CIROZ: variants seen among roughly 807,000 people sequenced by gnomAD.
The protein encoded by CIROZ is ciliated left-right organizer protein containing ZP-N domains, also known as ciliated left-right organizer ZP-N domains-containing protein.
chr1:10,954,057 G>A, the CIROZ span: 27 of 1,613,298 alleles, frequency 1.7e-5, no homozygotes, highest in Middle Eastern at 1.6e-4. Flanking sequence ...CCAGAGGACC[G>A]GGGCAGCCAT....
chr1:10,949,562 A>C, the CIROZ span: 1 of 1,545,192 alleles, frequency 6.5e-7, no homozygotes, highest in African/African-American at 1.4e-5. Flanking sequence ...GTCTACCGAT[A>C]CTTCTTGGGG....
the CIROZ span, among the ~76,000 whole-genome samples, chr1:10,952,199 T>A: frequency 1.3e-5 from 2 of 152,014 alleles, no homozygotes; most frequent in Non-Finnish European, 2.9e-5. Flanking sequence ...TAGAAAGACC[T>A]CGAAGCTGCA....
the CIROZ span, chr1:10,949,679 G>A: frequency 1.2e-6 from 2 of 1,606,150 alleles, no homozygotes; most frequent in Non-Finnish European, 1.7e-6. Context: ...CCATTCCTGG[G>A]CAGCTGGTCC....
the CIROZ span, chr1:10,948,934 G>A: frequency 1.5e-6 from 2 of 1,290,868 alleles, no homozygotes; most frequent in African/African-American, 1.5e-5. Flanking sequence ...CCCAAAGATG[G>A]GTTCGAGGGA....
At chr1:10,970,518 A>G in the CIROZ span, among the ~76,000 whole-genome samples, 1,205 of 152,204 alleles carry the variant, frequency 7.9e-3, 15 homozygotes, top group South Asian at 0.035. Flanking sequence ...AATCGCAGCT[A>G]CTCAGGAGGC....
chr1:10,962,813 A>C, the CIROZ span, among the ~76,000 whole-genome samples: 29 of 152,216 alleles, frequency 1.9e-4, no homozygotes, highest in Admixed American at 1.6e-3. Flanking sequence ...CCAGCACAGA[A>C]TGAGCCATAT....
chr1:10,947,859 T>C, the CIROZ span: 1 of 1,608,616 alleles, frequency 6.2e-7, no homozygotes, highest in Non-Finnish European at 8.5e-7. Flanking sequence ...GCTCAGGGTT[T>C]GCGTGGATGG....
the CIROZ span, among the ~76,000 whole-genome samples, chr1:10,979,004 T>C: frequency 2.0e-5 from 3 of 152,086 alleles, no homozygotes; most frequent in African/African-American, 4.8e-5. Flanking sequence ...TTTTTTTCTT[T>C]TTTGAGACTG....
the CIROZ span, among the ~76,000 whole-genome samples, chr1:10,964,465 CAG>C: frequency 6.6e-6 from 1 of 152,202 alleles, no homozygotes; most frequent in East Asian, 1.9e-4. Context: ...TCTGGAAGCT[CAG>C]CCCCCACCAA....
the CIROZ span, among the ~76,000 whole-genome samples, chr1:10,973,729 G>A: frequency 3.6e-3 from 544 of 152,248 alleles, 4 homozygotes; most frequent in African/African-American, 0.012. Flanking sequence ...CTCCCAAACC[G>A]CAGCTGCAGA....
At chr1:10,980,545 A>T in the CIROZ span, among the ~76,000 whole-genome samples, 5 of 152,232 alleles carry the variant, frequency 3.3e-5, no homozygotes, top group Non-Finnish European at 7.3e-5. Flanking sequence ...AGAGCGAGTA[A>T]ATCTGAGACA....
At chr1:10,948,752 T>C in the CIROZ span, 1 of 1,540,454 alleles carries the variant, frequency 6.5e-7, no homozygotes, top group African/African-American at 1.4e-5. Context: ...GCTGGGGACC[T>C]CGCTGAGCTT....
At chr1:10,972,920 C>G in the CIROZ span, among the ~76,000 whole-genome samples, 1 of 151,612 alleles carries the variant, frequency 6.6e-6, no homozygotes, top group African/African-American at 2.4e-5. Context: ...GATGCCCCCC[C>G]CATCTCTAAA....
At chr1:10,960,995 C>T in the CIROZ span, among the ~76,000 whole-genome samples, 1 of 151,568 alleles carries the variant, frequency 6.6e-6, no homozygotes, top group Admixed American at 6.6e-5. This position sits in a 1 kb window ranked among gnomAD's most constrained non-coding sequence, Gnocchi z 4.6. Context: ...TTTACGGATG[C>T]AGAGCCCCCC....
At chr1:10,954,169 A>G in the CIROZ span, 1 of 1,604,440 alleles carries the variant, frequency 6.2e-7, no homozygotes, top group Non-Finnish European at 8.5e-7. Context: ...AATTAGTTGC[A>G]CATTGGCTGG....
At chr1:10,964,780 G>C in the CIROZ span, among the ~76,000 whole-genome samples, 1 of 152,106 alleles carries the variant, frequency 6.6e-6, no homozygotes, top group Non-Finnish European at 1.5e-5. Flanking sequence ...ACAGGCAGAC[G>C]CCAACACGCC....
chr1:10,951,745 A>AAAAAAAAAAAAAAAAAAATATATATAT, the CIROZ span, among the ~76,000 whole-genome samples: 1 of 119,188 alleles, frequency 8.4e-6, no homozygotes, highest in African/African-American at 3.6e-5. Context: ...AAAAAAAAAA[A>AAAAAAAAAAAAAAAAAAATATATATAT]ATATATATAT....
At chr1:10,970,154 AAGAAAGG>A in the CIROZ span, 2 of 1,380,792 alleles carry the variant, frequency 1.4e-6, no homozygotes, top group Non-Finnish European at 1.9e-6. Context: ...GGAAGGAAGG[AAGAAAGG>A]AAGGAAGGAA....
chr1:10,981,214 C>T, the CIROZ span, among the ~76,000 whole-genome samples: 16 of 152,204 alleles, frequency 1.1e-4, 1 homozygote, highest in South Asian at 1.9e-3. Flanking sequence ...TTTGGGAGGC[C>T]GAGACAGGAG....
Sources: gnomAD v4.1 joint callset for allele counts (sites outside exome capture counted in the v4.1 genomes callset) on GRCh38, gnomAD v4.1.1 for gene constraint, Gnocchi (gnomAD v3.1) non-coding constraint, MANE v1.5 for transcripts, NCBI Gene and HGNC (gene_info 2026-07-23, HGNC 2026-07-21) for gene names.